AKAP10: variants seen among roughly 807,000 people sequenced by gnomAD.
AKAP10 encodes A-kinase anchor protein 10, mitochondrial.
Under a neutral mutation model 80.8 loss-of-function variants are expected in AKAP10, and 24 were observed. The ratio of observed to expected loss-of-function variants is 0.30; its 90% CI spans 0.22 to 0.42. The LOEUF (loss-of-function observed/expected upper bound fraction) is 0.42. Among genes scored for constraint, AKAP10 ranks in the 10% least tolerant of loss-of-function variants. The probability of loss-of-function intolerance (pLI) is 1.00; values close to 1 mark genes in which losing one functional copy is unlikely to be tolerated. For missense variants in AKAP10, 661 were observed against 794.9 expected (o/e 0.83, Z 2.03); for synonymous variants, 291 against 277.7 (o/e 1.05, Z -0.48).
intron 11 of AKAP10, among the ~76,000 whole-genome samples, chr17:19,923,691 T>G (rs2042843232): frequency 6.6e-6 from 1 of 152,024 alleles, no homozygotes; most frequent in African/African-American, 2.4e-5. Flanking sequence ...CATGCCCGGC[T>G]AATTTTTTGT....
chr17:19,916,208 G>A (rs146132465), intron 12 of AKAP10, among the ~76,000 whole-genome samples: 9 of 152,196 alleles, frequency 5.9e-5, no homozygotes, highest in Admixed American at 2.0e-4. Flanking sequence ...CAACCACCTC[G>A]AAAATAGCAC....
At chr17:19,957,214 T>C (rs1176833324) in intron 4 of AKAP10, among the ~76,000 whole-genome samples, 1 of 152,058 alleles carries the variant, frequency 6.6e-6, no homozygotes, top group African/African-American at 2.4e-5. Flanking sequence ...GGAAGTTACC[T>C]AACCTTTCTA....
chr17:19,957,418 T>G (rs1392249617), intron 4 of AKAP10, among the ~76,000 whole-genome samples: 1 of 151,978 alleles, frequency 6.6e-6, no homozygotes, highest in Non-Finnish European at 1.5e-5. Flanking sequence ...GGCAGGCGCC[T>G]GTAGTCCCAG....
intron 14 of AKAP10, 123 bp downstream of exon 14, chr17:19,909,058 G>T: frequency 2.8e-6 from 2 of 721,610 alleles, no homozygotes; most frequent in Non-Finnish European, 4.3e-6. Flanking sequence ...AGTTGCTTAT[G>T]ATAAGAAGGT....
In AKAP10 at chr17:19,931,882, C is replaced by T. The variant is rs1195343108; in HGVS notation, c.1564G>A (p.Val522Met). 1.9e-6 allele frequency: 3 copies of T among 1,614,078 alleles called. No homozygotes were observed. Among genetic ancestry groups the T allele is most frequent in the East Asian group, 2.2e-5 (1 of 44,870 alleles). The change falls in exon 10 of 15, where the codon GTG becomes ATG. Residue 522 changes from valine to methionine, a missense_variant. Physicochemically the swap from Val to Met is conservative, Grantham distance 21. Transcript: ENST00000225737. ...ACAGAGCCAGGAGCAGTCAGCGACACGTTCCCGCCCAGAAATTCATCTCCT... is the reference window on the plus strand; with the variant it reads ...ACAGAGCCAGGAGCAGTCAGCGACATGTTCCCGCCCAGAAATTCATCTCCT... ...VRGDEFLGGN[V>M]SLTAPGSVGP...
Position 19,920,049 on chromosome 17 carries a change from T to G in AKAP10, c.1821A>C (p.Val607=). 2 of 1,612,670 alleles carry G rather than the reference T, an allele frequency of 1.2e-6. No individual in the cohort carries two copies. Among genetic ancestry groups the G allele is most frequent in the African/African-American group, 1.3e-5 (1 of 75,016 alleles). The change falls in exon 12 of 15, where the codon GTA becomes GTC. Residue 607 remains valine (V), a synonymous_variant. Coordinates refer to ENST00000225737, the MANE Select transcript of AKAP10 (RefSeq NM_007202.4). ...FIRESEPEPD[V]RKSKGSMFSQ... Reference sequence around the variant, plus strand: ...AACACCACAAACCTTTTGATTTCCTTACATCAGGTTCAGGCTCAGATTCTC... The same window carrying G: ...AACACCACAAACCTTTTGATTTCCTGACATCAGGTTCAGGCTCAGATTCTC...
At chr17:19,968,526 A>G in intron 1 of AKAP10, 65 bp from the exon 2 acceptor site, 1 of 1,301,076 alleles carries the variant, frequency 7.7e-7, no homozygotes, top group Non-Finnish European at 1.1e-6. Flanking sequence ...TAACACTGTA[A>G]AAATTAGACC....
chr17:19,946,259 ATATATATATATATATATTTTTTTT>A (rs2043122392), intron 5 of AKAP10, among the ~76,000 whole-genome samples: 1 of 23,932 alleles, frequency 4.2e-5, no homozygotes, highest in African/African-American at 1.8e-4. Flanking sequence ...ATATATATAT[ATATATATATATATATATTTTTTTT>A]TTTTTTTTTT....
chr17:19,976,062 G>A (rs2043561720), intron 1 of AKAP10, among the ~76,000 whole-genome samples: 1 of 152,172 alleles, frequency 6.6e-6, no homozygotes, highest in African/African-American at 2.4e-5. Context: ...AGAGTTCAAT[G>A]GGCCTTTGGG....
At chr17:19,973,126 C>T (rs1023652264) in intron 1 of AKAP10, among the ~76,000 whole-genome samples, 2 of 152,090 alleles carry the variant, frequency 1.3e-5, no homozygotes, top group South Asian at 4.1e-4. Flanking sequence ...ATTATAGACA[C>T]CCACCACCAT....
intron 2 of AKAP10, among the ~76,000 whole-genome samples, chr17:19,965,039 G>T (rs2152418723): frequency 6.6e-6 from 1 of 152,332 alleles, no homozygotes; most frequent in Middle Eastern, 3.4e-3. Flanking sequence ...CTGTATCTGT[G>T]ACTTGTCTTT....
intron 14 of AKAP10, among the ~76,000 whole-genome samples, chr17:19,906,644 C>A (rs949259626): frequency 6.6e-6 from 1 of 152,198 alleles, no homozygotes; most frequent in Non-Finnish European, 1.5e-5. Flanking sequence ...GCACTGCGGA[C>A]AAATATCACG....
intron 3 of AKAP10, among the ~76,000 whole-genome samples, chr17:19,960,115 A>C: frequency 6.6e-6 from 1 of 152,106 alleles, no homozygotes; most frequent in Non-Finnish European, 1.5e-5. Context: ...TCCCTTGTAC[A>C]CTTTAGTTTC....
rs779223255 is a variant in AKAP10 at position 19,963,421 on chromosome 17, T to G, written c.137-399A>C. ...ATTATTTATAATTCTCAAAATACTG[T>G]GCCAAAAAGTTAAATTAAAAGAGGG... On this transcript the variant is annotated intron_variant, in intron 2 of 14. Coordinates refer to ENST00000225737, the MANE Select transcript of AKAP10 (RefSeq NM_007202.4). Among the ~76,000 whole-genome samples, 28 of 152,002 alleles carry G rather than the reference T, an allele frequency of 1.8e-4. 1 individual carries two copies. The highest frequency in any genetic ancestry group is 3.8e-4 in the Non-Finnish European group (26 of 68,002).
intron 9 of AKAP10, among the ~76,000 whole-genome samples, chr17:19,934,823 G>A (rs746216816): frequency 2.0e-5 from 3 of 152,144 alleles, no homozygotes; most frequent in Admixed American, 6.5e-5. Context: ...GAACAGCCTG[G>A]CCAAAATGGT....
intron 3 of AKAP10, among the ~76,000 whole-genome samples, chr17:19,962,287 CATACAT>C (rs1248784658): frequency 2.2e-4 from 29 of 131,620 alleles, no homozygotes; most frequent in African/African-American, 8.3e-4. Flanking sequence ...TACATACATA[CATACAT>C]ATACACACAC....
Position 19,977,591 on chromosome 17 carries a change from C to T in AKAP10, c.88+1G>A. 1 of 1,234,246 alleles carries T rather than the reference C, an allele frequency of 8.1e-7. No homozygotes were observed. The highest frequency in any genetic ancestry group is 1.0e-6 in the Non-Finnish European group (1 of 987,896). The allele number at this position is 1,234,246 out of a possible 1,614,324, so 76.5% of individuals were successfully genotyped here. A position where few individuals can be genotyped will look rare whatever the true frequency, so the allele number is the denominator to read the frequency against. On this transcript the variant is annotated splice_donor_variant, in intron 1 of 14. Transcript: ENST00000225737. LOFTEE classifies it high-confidence loss of function. ...CTCCCCGCCGGCGCCCCCTCAGCTA[C>T]CTTTCCGCCGGAAGAAGGACATGGC...
At chr17:19,934,503 A>G (rs1377783893) in intron 9 of AKAP10, among the ~76,000 whole-genome samples, 1 of 152,196 alleles carries the variant, frequency 6.6e-6, no homozygotes, top group African/African-American at 2.4e-5. Flanking sequence ...GCATGCCACT[A>G]CGCCCAGCTA....
intron 1 of AKAP10, among the ~76,000 whole-genome samples, chr17:19,973,310 T>A (rs1470537657): frequency 6.6e-6 from 1 of 152,204 alleles, no homozygotes; most frequent in Admixed American, 6.6e-5. Context: ...AGCACAGCCA[T>A]GCCCATTTGT....
Sources: gnomAD v4.1 joint callset for allele counts (sites outside exome capture counted in the v4.1 genomes callset) on GRCh38, gnomAD v4.1.1 for gene constraint, MANE v1.5 for transcripts, NCBI Gene and HGNC (gene_info 2026-07-23, HGNC 2026-07-21) for gene names.